The following PTPRD variants were observed in gnomAD, a reference collection of about 807,000 sequenced individuals.
PTPRD encodes the protein receptor-type tyrosine-protein phosphatase delta.
PTPRD carries 34 observed loss-of-function variants against 214.5 expected under a neutral mutation model. That is an observed-to-expected ratio of 0.16 (90% CI 0.12 to 0.21). The LOEUF is 0.21. Among genes scored for constraint, PTPRD ranks in the 10% least tolerant of loss-of-function variants. PTPRD has a pLI of 1.00. For synonymous variants in PTPRD, 1,128 were observed against 845.7 expected, an observed-to-expected ratio of 1.33 and a Z score of -5.79; for missense variants, 2,545 against 2,398.7, an observed-to-expected ratio of 1.06 and a Z score of -1.27.
intron 2 of PTPRD, among the ~76,000 whole-genome samples, chr9:10,547,730 A>G (rs1333150973): frequency 1.3e-5 from 2 of 151,968 alleles, no homozygotes; most frequent in Non-Finnish European, 2.9e-5. Context: ...TACATATAGC[A>G]ACACTTGGTG....
chr9:10,490,382 A>G (rs573384192), intron 2 of PTPRD, among the ~76,000 whole-genome samples: 22 of 152,292 alleles, frequency 1.4e-4, no homozygotes, highest in African/African-American at 4.8e-4. Context: ...GATGTAAAAG[A>G]CAGTGTTCAT....
At chr9:9,382,164 A>G (rs1424071117) in intron 9 of PTPRD, among the ~76,000 whole-genome samples, 1 of 151,508 alleles carries the variant, frequency 6.6e-6, no homozygotes, top group Non-Finnish European at 1.5e-5. Flanking sequence ...TTTTTTTCTT[A>G]ATTTTCTTTT....
chr9:9,439,919 A>C (rs561306643), intron 8 of PTPRD, among the ~76,000 whole-genome samples: 2 of 152,338 alleles, frequency 1.3e-5, no homozygotes, highest in East Asian at 1.9e-4. Flanking sequence ...GAAGTGGCAG[A>C]GCAGGATTCA....
At chr9:10,187,672 C>T (rs930093052) in intron 3 of PTPRD, among the ~76,000 whole-genome samples, 4 of 152,202 alleles carry the variant, frequency 2.6e-5, no homozygotes, top group African/African-American at 9.6e-5. Flanking sequence ...AAAATCTGCC[C>T]TGGGGGGCGG....
At chr9:10,271,632 T>TC (rs2094432494) in intron 3 of PTPRD, among the ~76,000 whole-genome samples, 1 of 146,252 alleles carries the variant, frequency 6.8e-6, no homozygotes, top group Admixed American at 7.2e-5. Flanking sequence ...AACCTCCGCC[T>TC]CCCAGGTTCA....
intron 7 of PTPRD, among the ~76,000 whole-genome samples, chr9:9,707,233 G>C (rs1012249618): frequency 6.6e-6 from 1 of 152,084 alleles, no homozygotes; most frequent in Admixed American, 6.6e-5. Context: ...TTATAATTAT[G>C]GGTATTGTTA....
At chr9:9,614,158 G>C (rs1022722976) in intron 7 of PTPRD, among the ~76,000 whole-genome samples, 1 of 151,612 alleles carries the variant, frequency 6.6e-6, no homozygotes, top group African/African-American at 2.4e-5. Flanking sequence ...TATAGATAAA[G>C]AAATTAGAGG....
chr9:10,551,898 T>C (rs1346126363), intron 2 of PTPRD, among the ~76,000 whole-genome samples: 1 of 152,226 alleles, frequency 6.6e-6, no homozygotes, highest in Non-Finnish European at 1.5e-5. Context: ...CTTTCATTTC[T>C]ACCATGTTTG....
At chr9:9,269,054 A>G (rs776333049) in intron 9 of PTPRD, among the ~76,000 whole-genome samples, 15 of 151,272 alleles carry the variant, frequency 9.9e-5, no homozygotes, top group Non-Finnish European at 2.1e-4. Flanking sequence ...AAAGAAATCA[A>G]TCAACAACAT....
At chr9:10,116,641 C>T (rs1478624875) in intron 3 of PTPRD, among the ~76,000 whole-genome samples, 1 of 151,994 alleles carries the variant, frequency 6.6e-6, no homozygotes, top group Admixed American at 6.6e-5. Context: ...TCGAACAGTC[C>T]AGACTGCTAA....
intron 11 of PTPRD, among the ~76,000 whole-genome samples, chr9:8,821,835 T>A (rs188609919): frequency 3.3e-4 from 50 of 152,230 alleles, no homozygotes; most frequent in African/African-American, 1.2e-3. Context: ...CCACTAATTT[T>A]TGTATTTTTA....
At chr9:10,374,419 C>A (rs1398206282) in intron 2 of PTPRD, among the ~76,000 whole-genome samples, 1 of 152,058 alleles carries the variant, frequency 6.6e-6, no homozygotes, top group East Asian at 1.9e-4. Flanking sequence ...TCCCTTGATA[C>A]TCTTTCAGGG....
At chr9:8,889,056 T>C (rs2098515336) in intron 11 of PTPRD, among the ~76,000 whole-genome samples, 4 of 152,226 alleles carry the variant, frequency 2.6e-5, no homozygotes, top group African/African-American at 7.2e-5. Context: ...CATCTATTAT[T>C]AGACCTGTGT....
chr9:8,767,304 G>C (rs929352315), intron 11 of PTPRD, among the ~76,000 whole-genome samples: 3 of 151,946 alleles, frequency 2.0e-5, no homozygotes, highest in Non-Finnish European at 4.4e-5. Flanking sequence ...TTTTAGTAGA[G>C]ATGGGGTTCA....
intron 7 of PTPRD, among the ~76,000 whole-genome samples, chr9:9,691,597 T>C (rs996487849): frequency 1.3e-5 from 2 of 152,072 alleles, no homozygotes; most frequent in Non-Finnish European, 2.9e-5. Flanking sequence ...AACATGACAG[T>C]GCAGATTCAA....
At chr9:9,054,345 T>C (rs2099692336) in intron 10 of PTPRD, among the ~76,000 whole-genome samples, 1 of 152,244 alleles carries the variant, frequency 6.6e-6, no homozygotes, top group Admixed American at 6.5e-5. Flanking sequence ...AAAATTTGTT[T>C]CAAAACATCT....
intron 9 of PTPRD, among the ~76,000 whole-genome samples, chr9:9,210,748 C>G (rs551309614): frequency 2.6e-5 from 4 of 152,224 alleles, no homozygotes; most frequent in African/African-American, 9.6e-5. Context: ...TCTCCTTTCT[C>G]TTTGGCCAGG....
chr9:9,261,433 AATT>A (rs1219412504), intron 9 of PTPRD, among the ~76,000 whole-genome samples: 1 of 151,888 alleles, frequency 6.6e-6, no homozygotes, highest in Non-Finnish European at 1.5e-5. Context: ...GTACTTTATT[AATT>A]CCATTTAGAT....
intron 2 of PTPRD, among the ~76,000 whole-genome samples, chr9:10,493,109 A>C (rs2040886331): frequency 6.6e-6 from 1 of 152,158 alleles, no homozygotes; most frequent in African/African-American, 2.4e-5. Flanking sequence ...GCACAGAAAC[A>C]AATGGAAAAT....
Sources: gnomAD v4.1 joint callset for allele counts (sites outside exome capture counted in the v4.1 genomes callset) on GRCh38, gnomAD v4.1.1 for gene constraint, MANE v1.5 for transcripts, NCBI Gene and HGNC (gene_info 2026-07-23, HGNC 2026-07-21) for gene names.